CPEB1: variants seen among roughly 807,000 people sequenced by gnomAD.
CPEB1 encodes the protein cytoplasmic polyadenylation element-binding protein 1.
CPEB1 carries 7 observed loss-of-function variants against 65.8 expected under a neutral mutation model. The observed-to-expected ratio is 0.11, with a 90% confidence interval of 0.06 to 0.20. The LOEUF (loss-of-function observed/expected upper bound fraction) is 0.20. Among genes scored for constraint, CPEB1 ranks in the 10% least tolerant of loss-of-function variants. The probability of loss-of-function intolerance (pLI) is 1.00; values close to 1 mark genes in which losing one functional copy is unlikely to be tolerated. For synonymous variants in CPEB1, 262 were observed against 260.0 expected (o/e 1.01, Z -0.08); for missense variants, 551 against 712.2 (o/e 0.77, Z 2.58).
intron 3 of CPEB1, among the ~76,000 whole-genome samples, chr15:82,603,562 T>C (rs1252684383): frequency 6.6e-6 from 1 of 151,308 alleles, no homozygotes; most frequent in African/African-American, 2.4e-5. Flanking sequence ...GGCCCTAAGC[T>C]CTCTCTCCTG....
chr15:82,564,317 GCT>G (rs1489381791), intron 4 of CPEB1, among the ~76,000 whole-genome samples: 2 of 151,754 alleles, frequency 1.3e-5, no homozygotes, highest in Non-Finnish European at 2.9e-5. Flanking sequence ...ACGGAGTCTC[GCT>G]CTGTTGCCCA....
intron 3 of CPEB1, among the ~76,000 whole-genome samples, chr15:82,619,399 G>A (rs967561281): frequency 6.6e-6 from 1 of 152,014 alleles, no homozygotes; most frequent in Admixed American, 6.6e-5. Flanking sequence ...TCTTAAACAG[G>A]CCACAAGCAT....
At chr15:82,631,785 A>G (rs933262936) in intron 1 of CPEB1, among the ~76,000 whole-genome samples, 1 of 152,126 alleles carries the variant, frequency 6.6e-6, no homozygotes, top group Non-Finnish European at 1.5e-5. Flanking sequence ...TTAAAAGGCA[A>G]GAGATATGAT....
intron 10 of CPEB1, among the ~76,000 whole-genome samples, chr15:82,549,127 C>G (rs1394543902): frequency 1.3e-5 from 2 of 152,204 alleles, no homozygotes; most frequent in African/African-American, 4.8e-5. Context: ...GAATTGCAGC[C>G]TTTTCATGAA....
intron 3 of CPEB1, among the ~76,000 whole-genome samples, chr15:82,596,697 CAAAA>C (rs59895391): frequency 3.4e-5 from 3 of 89,084 alleles, no homozygotes; most frequent in African/African-American, 4.2e-5. Context: ...GACTCTGTCT[CAAAA>C]AAAAAAAAAA....
At chr15:82,611,405 A>G (rs1440359484) in intron 3 of CPEB1, among the ~76,000 whole-genome samples, 1 of 152,202 alleles carries the variant, frequency 6.6e-6, no homozygotes, top group East Asian at 1.9e-4. Context: ...AATCACTGAA[A>G]TAAATTAAAA....
intron 4 of CPEB1, 62 bp downstream of exon 4, chr15:82,571,282 T>C: frequency 6.4e-7 from 1 of 1,557,478 alleles, no homozygotes; most frequent in Non-Finnish European, 8.7e-7. Flanking sequence ...TTGCTGTGGA[T>C]ATCTTCGTTC....
chr15:82,595,686 G>A (rs74973449), intron 3 of CPEB1, among the ~76,000 whole-genome samples: 3,433 of 152,272 alleles, frequency 0.023, 130 homozygotes, highest in African/African-American at 0.077. Context: ...GCATTTAATT[G>A]TGCTTGATTA....
At chr15:82,553,397 G>C in intron 8 of CPEB1, 70 bp downstream of exon 8, 1 of 1,163,826 alleles carries the variant, frequency 8.6e-7, no homozygotes, top group East Asian at 2.4e-5. Context: ...AGCACCCCTA[G>C]GTGCAGTTAT....
At chr15:82,596,251 C>T (rs2042654986) in intron 3 of CPEB1, among the ~76,000 whole-genome samples, 1 of 152,152 alleles carries the variant, frequency 6.6e-6, no homozygotes, top group Non-Finnish European at 1.5e-5. Context: ...GAAACTTGAA[C>T]TGATTTATTC....
intron 9 of CPEB1, 56 bp from the exon 10 acceptor site, chr15:82,549,714 G>C: frequency 2.6e-6 from 4 of 1,530,672 alleles, no homozygotes; most frequent in Non-Finnish European, 3.6e-6. Flanking sequence ...AGAGAGAGGT[G>C]CTTGCACGGC....
In CPEB1 at chr15:82,566,993, C is replaced by G. The variant is rs377758332; in HGVS notation, c.460+4351G>C. Among the ~76,000 whole-genome samples, 313 of 152,210 alleles carry G rather than the reference C, an allele frequency of 2.1e-3. 1 individual carries two copies. The highest frequency in any genetic ancestry group is 7.4e-3 in the African/African-American group (307 of 41,550). On this transcript the variant is annotated intron_variant, in intron 4 of 12. Coordinates refer to ENST00000684509, the MANE Select transcript of CPEB1 (RefSeq NM_001365242.1). ...TTGTCTGAACTCTGCAGTTAAAAAA[C>G]AACCAGGATAAACACAGTGGCTCAG... is the stretch of plus-strand genomic sequence containing the variant.
At chr15:82,645,750 C>T (rs981308960) in intron 1 of CPEB1, among the ~76,000 whole-genome samples, 5 of 152,032 alleles carry the variant, frequency 3.3e-5, no homozygotes, top group Non-Finnish European at 7.4e-5. Flanking sequence ...AGCTTGTAAT[C>T]CTAGCTACAC....
At chr15:82,571,195 T>C in intron 4 of CPEB1, 149 bp downstream of exon 4, 1 of 1,038,744 alleles carries the variant, frequency 9.6e-7, no homozygotes. Context: ...ACAGCTTGCA[T>C]TTCCATCTCT....
rs971561948 is a variant in CPEB1, at chr15:82,571,398, G to T, written c.406C>A (p.Arg136=). 1 of 1,614,076 alleles carries T rather than the reference G, an allele frequency of 6.2e-7. No individual in the cohort carries two copies. The highest frequency in any genetic ancestry group is 1.7e-5 in the Admixed American group (1 of 60,004). ...TCTGAGTCCTGGGTGCTCCAGGGTC[G>T]GTCCCAGCCTGTCAGACTGAGGGAC... ...LQSLSLTGWD[R]PWSTQDSDSS... Residue 136 remains arginine, a synonymous_variant, in exon 4 of 13, where the codon CGA becomes AGA. Transcript: ENST00000684509.
rs542712444 is a variant in CPEB1, at chr15:82,567,183, C to A, written c.460+4161G>T. Among the ~76,000 whole-genome samples the A allele has an allele frequency of 3.3e-5, 5 of 152,276 alleles. No individual in the cohort carries two copies. In the East Asian group the frequency reaches 9.6e-4, roughly 29 times the overall value. On this transcript the variant is annotated intron_variant, in intron 4 of 12. Transcript: ENST00000684509. ...CACATAAGAGAGACCTAATCCCGTT[C>A]TGAATGTCGCCTCAGAATGGTTGTT... is the stretch of plus-strand genomic sequence containing the variant.
intron 1 of CPEB1, among the ~76,000 whole-genome samples, chr15:82,634,202 C>G (rs2046477267): frequency 6.9e-6 from 1 of 145,630 alleles, no homozygotes; most frequent in East Asian, 2.0e-4. Flanking sequence ...TTTTTTCCAT[C>G]TATGGTTCAG....
intron 3 of CPEB1, among the ~76,000 whole-genome samples, chr15:82,608,669 T>C (rs186024519): frequency 6.6e-6 from 1 of 152,360 alleles, no homozygotes; most frequent in East Asian, 1.9e-4. Flanking sequence ...AAGTTTATTG[T>C]GACAATTTTT....
chr15:82,553,268 T>C (rs1225474130), intron 8 of CPEB1, among the ~76,000 whole-genome samples, 199 bp downstream of exon 8: 1 of 152,120 alleles, frequency 6.6e-6, no homozygotes, highest in African/African-American at 2.4e-5. Context: ...TCTGGACAGA[T>C]GGAACATTAG....
Sources: allele counts gnomAD v4.1 joint callset (sites outside exome capture counted in the v4.1 genomes callset), GRCh38; gene constraint gnomAD v4.1.1; transcripts MANE v1.5; gene names NCBI Gene and HGNC (gene_info 2026-07-23, HGNC 2026-07-21).